Variants in CFDP1 observed in about 807,000 individuals in gnomAD.
The protein encoded by CFDP1 is chromatin remodeling protein CFDP1.
A neutral mutation model predicts 40.1 loss-of-function variants in CFDP1; 31 were observed. The observed-to-expected ratio is 0.77, with a 90% CI of 0.58 to 1.04. CFDP1 has a LOEUF of 1.04. Ranked by LOEUF, CFDP1 falls within the 50% of genes least tolerant of loss-of-function variation. The probability of loss-of-function intolerance (pLI) is 0.00; values close to 1 mark genes in which losing one functional copy is unlikely to be tolerated. For missense variants in CFDP1, 423 were observed against 343.4 expected, an observed-to-expected ratio of 1.23 and a Z score of -1.83; for synonymous variants, 167 against 120.0, an observed-to-expected ratio of 1.39 and a Z score of -2.56.
intron 5 of CFDP1, among the ~76,000 whole-genome samples, chr16:75,317,129 A>G (rs2078328830): frequency 6.6e-6 from 1 of 152,276 alleles, no homozygotes; most frequent in African/African-American, 2.4e-5. Flanking sequence ...TCTGGCCAAC[A>G]TGGAGGCCCT....
intron 5 of CFDP1, among the ~76,000 whole-genome samples, chr16:75,377,130 C>T (rs1249528897): frequency 1.3e-5 from 2 of 151,474 alleles, no homozygotes; most frequent in South Asian, 2.1e-4. Context: ...CAACTGGGGG[C>T]TTGGCTGTGC....
intron 5 of CFDP1, among the ~76,000 whole-genome samples, chr16:75,355,928 A>G (rs140398053): frequency 6.6e-6 from 1 of 152,348 alleles, no homozygotes; most frequent in African/African-American, 2.4e-5. Context: ...AGAATGGACT[A>G]ATACAGGCTA....
At chr16:75,414,147 A>G (rs909441615) in intron 2 of CFDP1, among the ~76,000 whole-genome samples, 5 of 152,180 alleles carry the variant, frequency 3.3e-5, no homozygotes, top group Non-Finnish European at 7.3e-5. Flanking sequence ...ACTATCTCCA[A>G]GATGTGAAAT....
At position 75,379,290 on chromosome 16, in the gene CFDP1, C is replaced by T. The variant is rs533891252; in HGVS notation, c.650+15800G>A. The stretch of plus-strand genomic sequence containing the variant: ...AAAGATCAATGAAACAGAGCTGGTT[C>T]TTTGAACAGATCAATAAAATCGACA... On this transcript the variant is annotated intron_variant, in intron 5 of 6. Coordinates refer to ENST00000283882, the MANE Select transcript of CFDP1 (RefSeq NM_006324.3). Among the ~76,000 whole-genome samples, 38 of 150,658 alleles carry T rather than the reference C, an allele frequency of 2.5e-4. No individual in the cohort carries two copies. The South Asian group carries it at 4.8e-3, about 19-fold the overall frequency.
chr16:75,407,196 G>C (rs1368371865), intron 4 of CFDP1, among the ~76,000 whole-genome samples: 1 of 152,132 alleles, frequency 6.6e-6, no homozygotes, highest in Non-Finnish European at 1.5e-5. Context: ...GACAGAGTGA[G>C]TTAGCTCCTG....
chr16:75,400,307 G>T (rs141102025), intron 4 of CFDP1, among the ~76,000 whole-genome samples: 2 of 151,606 alleles, frequency 1.3e-5, no homozygotes, highest in African/African-American at 4.8e-5. Flanking sequence ...AAACAAAAAA[G>T]AAGGTAGAAA....
At chr16:75,407,871 G>A (rs927483004) in intron 4 of CFDP1, among the ~76,000 whole-genome samples, 1 of 152,052 alleles carries the variant, frequency 6.6e-6, no homozygotes, top group African/African-American at 2.4e-5. Flanking sequence ...ACTTTGGGAG[G>A]TGAAGGCAGG....
intron 5 of CFDP1, among the ~76,000 whole-genome samples, chr16:75,355,212 G>A (rs899213551): frequency 6.6e-6 from 1 of 152,214 alleles, no homozygotes; most frequent in East Asian, 1.9e-4. Context: ...GATCAGGGTA[G>A]TGGTTGCTGA....
At chr16:75,323,633 GC>G (rs1211851198) in intron 5 of CFDP1, among the ~76,000 whole-genome samples, 1 of 151,962 alleles carries the variant, frequency 6.6e-6, no homozygotes, top group African/African-American at 2.4e-5. Context: ...ATACAAATTT[GC>G]CGGGCCTGGT....
intron 5 of CFDP1, among the ~76,000 whole-genome samples, chr16:75,352,007 CAAAAAAAAAAAA>C (rs3975153): frequency 6.9e-5 from 6 of 86,764 alleles, no homozygotes; most frequent in South Asian, 4.1e-4. Flanking sequence ...GACTCTGTCT[CAAAAAAAAAAAA>C]AAAAAAAAAA....
chr16:75,422,413 T>C (rs946141125), intron 1 of CFDP1, among the ~76,000 whole-genome samples: 17 of 149,830 alleles, frequency 1.1e-4, no homozygotes, highest in Non-Finnish European at 1.5e-5. Context: ...TTTTTTTTTT[T>C]TTTTGAGACA....
chr16:75,419,545 C>A (rs888516657), intron 1 of CFDP1, among the ~76,000 whole-genome samples: 6 of 152,156 alleles, frequency 3.9e-5, no homozygotes, highest in Non-Finnish European at 5.9e-5. Context: ...GGCATCTGAA[C>A]CAGAGCAACT....
intron 5 of CFDP1, among the ~76,000 whole-genome samples, chr16:75,358,549 G>A (rs2151530342): frequency 6.6e-6 from 1 of 152,122 alleles, no homozygotes; most frequent in East Asian, 1.9e-4. Flanking sequence ...TGATCATAAA[G>A]CACTTCTGCC....
chr16:75,301,536 C>CTTTTTTTTTTTTTTTTTTTTT lies in CFDP1; in HGVS notation c.809+3467_809+3487dup, dbSNP rs546724752. On this transcript the variant is annotated intron_variant, in intron 6 of 6. Coordinates refer to ENST00000283882, the MANE Select transcript of CFDP1 (RefSeq NM_006324.3). ...TCTCAACATTAGAGTTTTGTTGTGT[C>CTTTTTTTTTTTTTTTTTTTTT]TTTTTTTTTTTTTTTTTTTTTTTTT... 7.4e-5 allele frequency among the ~76,000 whole-genome samples: 4 copies of CTTTTTTTTTTTTTTTTTTTTT among 53,966 alleles called. 1 individual carries two copies. Among genetic ancestry groups the CTTTTTTTTTTTTTTTTTTTTT allele is most frequent in the African/African-American group, 2.8e-4 (4 of 14,506 alleles). 35.4% of individuals were successfully genotyped at this position (53,966 alleles called of 152,430 possible).
At chr16:75,330,109 A>C (rs2078434499) in intron 5 of CFDP1, among the ~76,000 whole-genome samples, 1 of 152,224 alleles carries the variant, frequency 6.6e-6, no homozygotes, top group Non-Finnish European at 1.5e-5. Flanking sequence ...TTTCACTAGC[A>C]GCGCACTAAG....
chr16:75,367,990 A>C (rs942470486), intron 5 of CFDP1, among the ~76,000 whole-genome samples: 18 of 152,032 alleles, frequency 1.2e-4, no homozygotes, highest in African/African-American at 4.3e-4. Context: ...CTGTAATCCC[A>C]GCTACTCAAG....
chr16:75,368,884 T>C (rs2078734058), intron 5 of CFDP1, among the ~76,000 whole-genome samples: 1 of 151,914 alleles, frequency 6.6e-6, no homozygotes, highest in African/African-American at 2.4e-5. Flanking sequence ...GTTTGTTTGT[T>C]TTTTTTTAAG....
At chr16:75,403,730 A>G (rs2079074937) in intron 4 of CFDP1, among the ~76,000 whole-genome samples, 1 of 152,230 alleles carries the variant, frequency 6.6e-6, no homozygotes, top group African/African-American at 2.4e-5. Context: ...TCAAACTATT[A>G]AAAGTTTATA....
At chr16:75,370,293 A>G (rs2078742442) in intron 5 of CFDP1, among the ~76,000 whole-genome samples, 1 of 151,670 alleles carries the variant, frequency 6.6e-6, no homozygotes, top group Non-Finnish European at 1.5e-5. Context: ...GGGTTTCGCC[A>G]TGTTGGCCAG....
Sources: allele counts gnomAD v4.1 joint callset (sites outside exome capture counted in the v4.1 genomes callset), GRCh38; gene constraint gnomAD v4.1.1; transcripts MANE v1.5; gene names NCBI Gene and HGNC (gene_info 2026-07-23, HGNC 2026-07-21).